The following TMPRSS11E variants were observed in gnomAD, a reference collection of about 807,000 sequenced individuals.
TMPRSS11E encodes transmembrane serine protease 11E.
Under a neutral mutation model 48.1 loss-of-function variants are expected in TMPRSS11E, and 38 were observed. That is an observed-to-expected ratio of 0.79 (90% CI 0.61 to 1.04). TMPRSS11E has a LOEUF of 1.04. TMPRSS11E is among the 50% of genes least tolerant of loss of function. The pLI is 0.00. For synonymous variants in TMPRSS11E, 158 were observed against 171.9 expected, an observed-to-expected ratio of 0.92 and a Z score of 0.63; for missense variants, 530 against 510.8, an observed-to-expected ratio of 1.04 and a Z score of -0.36.
intron 9 of TMPRSS11E, among the ~76,000 whole-genome samples, chr4:68,480,933 T>A (rs1206283410): frequency 2.6e-5 from 4 of 152,120 alleles, no homozygotes; most frequent in Non-Finnish European, 4.4e-5. Flanking sequence ...CAATAGGTAG[T>A]TTTTGGTTCT....
At chr4:68,463,420 G>A (rs1728846619) in intron 2 of TMPRSS11E, among the ~76,000 whole-genome samples, 1 of 151,986 alleles carries the variant, frequency 6.6e-6, no homozygotes, top group Non-Finnish European at 1.5e-5. Context: ...TTGTGCCTCA[G>A]CCTCCTGAGT....
At chr4:68,464,763 T>C (rs548498263) in intron 2 of TMPRSS11E, among the ~76,000 whole-genome samples, 5 of 152,160 alleles carry the variant, frequency 3.3e-5, no homozygotes, top group African/African-American at 1.2e-4. Context: ...CATTTAAGGG[T>C]GTAGAAGGGT....
At chr4:68,488,774 C>T (rs1262588430) in intron 9 of TMPRSS11E, among the ~76,000 whole-genome samples, 3 of 152,162 alleles carry the variant, frequency 2.0e-5, no homozygotes, top group African/African-American at 4.8e-5. Context: ...CTCCTGACCT[C>T]GTGATCTACC....
intron 1 of TMPRSS11E, among the ~76,000 whole-genome samples, chr4:68,450,983 G>A (rs1328199482): frequency 6.6e-6 from 1 of 151,882 alleles, no homozygotes; most frequent in African/African-American, 2.4e-5. Flanking sequence ...CCAAAAATAT[G>A]TCATTGCTTC....
chr4:68,451,420 C>A (rs572807006), intron 1 of TMPRSS11E, among the ~76,000 whole-genome samples: 2 of 151,968 alleles, frequency 1.3e-5, no homozygotes, highest in South Asian at 4.2e-4. Context: ...GTAAGCCCAA[C>A]CTTCTTCTCC....
chr4:68,453,743 G>A (rs1364361370), intron 1 of TMPRSS11E, among the ~76,000 whole-genome samples: 3 of 151,890 alleles, frequency 2.0e-5, no homozygotes, highest in African/African-American at 4.8e-5. Context: ...CAGAGTAACA[G>A]GGGATTACAT....
At chr4:68,461,715 G>T in intron 1 of TMPRSS11E, 106 bp from the exon 2 acceptor site, 2 of 1,549,174 alleles carry the variant, frequency 1.3e-6, no homozygotes, top group South Asian at 1.2e-5. Context: ...GACAGTACAC[G>T]ACCCTCCAAC....
intron 4 of TMPRSS11E, among the ~76,000 whole-genome samples, chr4:68,470,582 GA>G (rs1729038466): frequency 6.6e-6 from 1 of 151,832 alleles, no homozygotes; most frequent in Non-Finnish European, 1.5e-5. Context: ...CTGTGCCAGA[GA>G]AGACAGATAT....
intron 1 of TMPRSS11E, among the ~76,000 whole-genome samples, chr4:68,451,429 C>T (rs1461699753): frequency 6.6e-6 from 1 of 151,836 alleles, no homozygotes; most frequent in African/African-American, 2.4e-5. Flanking sequence ...ACCTTCTTCT[C>T]CCATGTACAC....
rs748643905 is a variant in TMPRSS11E, at chr4:68,477,410, C to A, written c.749C>A (p.Thr250Lys). The change falls in exon 8 of 10, where the codon ACA becomes AAA. Residue 250 changes from threonine to lysine, a missense_variant. By Grantham distance (78) the Thr-to-Lys change is moderately conservative. Coordinates refer to ENST00000305363, the MANE Select transcript of TMPRSS11E (RefSeq NM_014058.4). ...AGATGGACTGCTTCCTTTGGAGTAA[C>A]AATAAAACCTTCGAAAATGAAACGG... ...PARWTASFGVTIKPSKMKRGL... is the reference protein window; with the variant it reads ...PARWTASFGVKIKPSKMKRGL... The A allele has an allele frequency of 1.9e-6, 3 of 1,613,962 alleles. No individual in the cohort carries two copies. The highest frequency in any genetic ancestry group is 1.7e-5 in the Admixed American group (1 of 60,002).
chr4:68,480,161 T>C (rs1437931049), intron 9 of TMPRSS11E, among the ~76,000 whole-genome samples: 1 of 152,078 alleles, frequency 6.6e-6, no homozygotes, highest in East Asian at 1.9e-4. Context: ...ATATGTAGAT[T>C]TATATCCTTT....
chr4:68,474,621 T>G, intron 5 of TMPRSS11E, 102 bp from the exon 6 acceptor site: 1 of 1,044,734 alleles, frequency 9.6e-7, no homozygotes, highest in South Asian at 1.4e-5. Context: ...CTAGAGATAC[T>G]GTTTTATAAT....
At chr4:68,463,450 C>T (rs980229490) in intron 2 of TMPRSS11E, among the ~76,000 whole-genome samples, 2 of 151,970 alleles carry the variant, frequency 1.3e-5, no homozygotes, top group East Asian at 1.9e-4. Context: ...TACAGGCATG[C>T]GCCACCACAC....
intron 2 of TMPRSS11E, among the ~76,000 whole-genome samples, chr4:68,465,568 A>G (rs1047277792): frequency 1.1e-4 from 17 of 152,104 alleles, no homozygotes; most frequent in South Asian, 6.2e-4. Flanking sequence ...TTAAATGTGG[A>G]TAACATTGCC....
chr4:68,471,677 A>T, intron 5 of TMPRSS11E, 54 bp downstream of exon 5: 1 of 1,386,894 alleles, frequency 7.2e-7, no homozygotes, highest in Non-Finnish European at 9.5e-7. Flanking sequence ...GTTAGGTTTG[A>T]TCTTGGCACT....
At position 68,477,339 on chromosome 4, in the gene TMPRSS11E, G is replaced by T. The variant is rs752613327; in HGVS notation, c.708-30G>T. Reference sequence around the variant, plus strand: ...TATTCGACTGGTAGCATGGTAAAAAGAAATTTATTCTTCATTTTTTTCTCC... The same window carrying T: ...TATTCGACTGGTAGCATGGTAAAAATAAATTTATTCTTCATTTTTTTCTCC... On this transcript the variant is annotated intron_variant, in intron 7 of 9. Coordinates refer to ENST00000305363, the MANE Select transcript of TMPRSS11E (RefSeq NM_014058.4). The T allele has an allele frequency of 1.9e-6, 3 of 1,574,290 alleles. No individual in the cohort carries two copies. The African/African-American group carries it at 4.1e-5, about 22-fold the overall frequency.
intron 4 of TMPRSS11E, among the ~76,000 whole-genome samples, chr4:68,470,805 GA>G (rs1428079739): frequency 4.0e-5 from 6 of 151,808 alleles, no homozygotes; most frequent in Admixed American, 2.0e-4. Context: ...GCTCTGTGTT[GA>G]AAATACAGTC....
Position 68,496,655 on chromosome 4 carries a change from G to T in TMPRSS11E, c.1123G>T (p.Gly375Ter). 6.2e-7 allele frequency: 1 copy of T among 1,611,980 alleles called. No homozygotes were observed. ...KTDACQGDSG[G>*]PLVSSDARDI... Reference sequence around the variant, plus strand: ...TCTTCTCCTTTAGGGTGACTCTGGAGGACCACTGGTTAGTTCAGATGCTAG... The same window carrying T: ...TCTTCTCCTTTAGGGTGACTCTGGATGACCACTGGTTAGTTCAGATGCTAG... The change falls in exon 10 of 10, where the codon GGA becomes TGA. Residue 375 changes from glycine (G) to a stop codon, truncating the protein, a stop_gained. Transcript: ENST00000305363. LOFTEE classifies it high-confidence loss of function.
chr4:68,458,511 C>A (rs993204718), intron 1 of TMPRSS11E, among the ~76,000 whole-genome samples: 3 of 152,084 alleles, frequency 2.0e-5, no homozygotes, highest in African/African-American at 4.8e-5. Flanking sequence ...CGAATAGGTG[C>A]ACATAAGTTT....
Sources: gnomAD v4.1 joint callset for allele counts (sites outside exome capture counted in the v4.1 genomes callset) on GRCh38, gnomAD v4.1.1 for gene constraint, MANE v1.5 for transcripts, NCBI Gene and HGNC (gene_info 2026-07-23, HGNC 2026-07-21) for gene names.